Variants in CSMD1 observed in about 807,000 individuals in gnomAD.
The protein encoded by CSMD1 is CUB and Sushi multiple domains 1.
CSMD1 carries 213 observed loss-of-function variants against 417.5 expected under a neutral mutation model. That is an observed-to-expected ratio of 0.51 (90% CI 0.46 to 0.57). CSMD1 has a LOEUF of 0.57. CSMD1 is among the 20% of genes least tolerant of loss of function. CSMD1 has a pLI of 0.00. For missense variants in CSMD1, 6,923 were observed against 4,529.7 expected (o/e 1.53, Z -15.17); for synonymous variants, 2,862 against 1,736.8 (o/e 1.65, Z -16.11).
intron 5 of CSMD1, among the ~76,000 whole-genome samples, chr8:3,861,142 CT>C (rs1804676182): frequency 6.6e-6 from 1 of 152,148 alleles, no homozygotes; most frequent in Non-Finnish European, 1.5e-5. Context: ...AAAAACACAC[CT>C]TTAACACACT....
intron 3 of CSMD1, among the ~76,000 whole-genome samples, chr8:4,318,793 G>T (rs919539945): frequency 1.3e-5 from 2 of 150,978 alleles, no homozygotes; most frequent in Non-Finnish European, 2.9e-5. Context: ...GTATTTACAA[G>T]CAAGTTAATT....
At chr8:3,460,290 A>G (rs1816412134) in intron 12 of CSMD1, among the ~76,000 whole-genome samples, 1 of 152,140 alleles carries the variant, frequency 6.6e-6, no homozygotes, top group African/African-American at 2.4e-5. Context: ...CAAAGGTAAA[A>G]GAGAGGAAAA....
chr8:4,366,052 G>C (rs1370728), intron 3 of CSMD1, among the ~76,000 whole-genome samples: 65,008 of 151,914 alleles, frequency 0.43, 16,552 homozygotes, highest in African/African-American at 0.72. Context: ...GTACCTGACA[G>C]ATAGCCTTCC....
chr8:4,232,363 T>G (rs993065247), intron 3 of CSMD1, among the ~76,000 whole-genome samples: 1 of 152,124 alleles, frequency 6.6e-6, no homozygotes, highest in Non-Finnish European at 1.5e-5. Context: ...TAAGCCTGAC[T>G]AATTTTTGTA....
chr8:4,399,526 T>C (rs1301445518), intron 3 of CSMD1, among the ~76,000 whole-genome samples: 2 of 152,126 alleles, frequency 1.3e-5, no homozygotes, highest in Non-Finnish European at 2.9e-5. Context: ...CAAGAAACTT[T>C]CCTCTCTGAA....
At chr8:3,719,717 C>G (rs77797081) in intron 6 of CSMD1, among the ~76,000 whole-genome samples, 421 of 152,272 alleles carry the variant, frequency 2.8e-3, no homozygotes, top group African/African-American at 9.6e-3. Flanking sequence ...CCCATACCAG[C>G]CACATATTAT....
At chr8:4,354,494 A>G (rs542530041) in intron 3 of CSMD1, among the ~76,000 whole-genome samples, 1 of 152,288 alleles carries the variant, frequency 6.6e-6, no homozygotes, top group South Asian at 2.1e-4. Context: ...GTCAGAGAGA[A>G]AATCAGAGTC....
intron 3 of CSMD1, among the ~76,000 whole-genome samples, chr8:4,315,532 G>A (rs772645018): frequency 6.6e-6 from 1 of 152,156 alleles, no homozygotes; most frequent in Non-Finnish European, 1.5e-5. Flanking sequence ...TAGATTTCTA[G>A]AAATTAACTA....
intron 10 of CSMD1, among the ~76,000 whole-genome samples, chr8:3,532,831 A>G (rs1170814286): frequency 1.3e-5 from 2 of 152,212 alleles, no homozygotes; most frequent in Admixed American, 1.3e-4. Flanking sequence ...AAGTCATTAA[A>G]GCACACAGCA....
chr8:4,686,949 C>T (rs1242911924), intron 1 of CSMD1, among the ~76,000 whole-genome samples: 2 of 152,162 alleles, frequency 1.3e-5, no homozygotes, highest in Admixed American at 6.5e-5. Flanking sequence ...GTGGAGGAGA[C>T]ACGTCTCCAG....
intron 4 of CSMD1, 112 bp downstream of exon 4, chr8:4,031,793 G>A (rs1274470416): frequency 2.7e-6 from 2 of 736,136 alleles, no homozygotes; most frequent in East Asian, 2.8e-5. Flanking sequence ...GACATTGTAA[G>A]AGTCAGCTCA....
chr8:3,175,967 C>T (rs1310706656), intron 37 of CSMD1, among the ~76,000 whole-genome samples: 1 of 152,110 alleles, frequency 6.6e-6, no homozygotes, highest in Admixed American at 6.6e-5. Context: ...GCTAGGATAA[C>T]TGCAACAGTC....
intron 1 of CSMD1, among the ~76,000 whole-genome samples, chr8:4,824,695 A>C (rs1799718430): frequency 6.6e-6 from 1 of 152,168 alleles, no homozygotes; most frequent in Admixed American, 6.6e-5. Context: ...ATTTCTATCC[A>C]CTGAAATAAC....
intron 3 of CSMD1, among the ~76,000 whole-genome samples, chr8:4,104,510 G>C (rs563183304): frequency 1.5e-4 from 23 of 152,260 alleles, no homozygotes; most frequent in Middle Eastern, 6.8e-3. Context: ...CACGGATTGA[G>C]GCCCCACCCT....
intron 5 of CSMD1, among the ~76,000 whole-genome samples, chr8:3,759,208 A>G (rs1489088195): frequency 6.6e-6 from 1 of 152,226 alleles, no homozygotes; most frequent in Non-Finnish European, 1.5e-5. Context: ...TACATTAAAT[A>G]TGTATAGCTT....
chr8:4,912,626 C>T (rs1011192653), intron 1 of CSMD1, among the ~76,000 whole-genome samples: 5 of 152,116 alleles, frequency 3.3e-5, no homozygotes, highest in African/African-American at 1.2e-4. Context: ...TGTTTGGCTT[C>T]CTTTGTAAAT....
intron 50 of CSMD1, among the ~76,000 whole-genome samples, chr8:3,031,135 C>T (rs966330913): frequency 2.0e-5 from 3 of 151,868 alleles, no homozygotes; most frequent in African/African-American, 4.8e-5. Flanking sequence ...TCTGAAAAGC[C>T]CTTAAAGGCT....
chr8:2,942,354 AAG>A, intron 69 of CSMD1, 116 bp downstream of exon 69: 1 of 931,958 alleles, frequency 1.1e-6, no homozygotes, highest in Non-Finnish European at 1.5e-6. Context: ...AAAAAAAAAA[AAG>A]AACATTGCAT....
At chr8:3,364,576 C>A (rs144794594) in intron 20 of CSMD1, among the ~76,000 whole-genome samples, 1 of 152,176 alleles carries the variant, frequency 6.6e-6, no homozygotes, top group African/African-American at 2.4e-5. Flanking sequence ...AATCCATGTG[C>A]TGGAAATTTG....
Sources: allele counts gnomAD v4.1 joint callset (sites outside exome capture counted in the v4.1 genomes callset), GRCh38; gene constraint gnomAD v4.1.1; transcripts MANE v1.5; gene names NCBI Gene and HGNC (gene_info 2026-07-23, HGNC 2026-07-21).